Variants in GSR observed in about 807,000 individuals in gnomAD.
The protein encoded by GSR is glutathione-disulfide reductase, also known as glutathione reductase, mitochondrial.
Under a neutral mutation model 56.5 loss-of-function variants are expected in GSR, and 48 were observed. The observed-to-expected ratio is 0.85, with a 90% CI of 0.67 to 1.08. The LOEUF (loss-of-function observed/expected upper bound fraction) is 1.08, where lower values mean the gene tolerates loss of function less well. GSR is among the 50% of genes least tolerant of loss of function. The pLI is 0.00. For missense variants in GSR, 694 were observed against 703.3 expected, an observed-to-expected ratio of 0.99 and a Z score of 0.15; for synonymous variants, 264 against 270.8, an observed-to-expected ratio of 0.97 and a Z score of 0.25.
chr8:30,679,834 T>C (rs1802883469), intron 12 of GSR, among the ~76,000 whole-genome samples, 165 bp from the exon 13 acceptor site: 1 of 151,048 alleles, frequency 6.6e-6, no homozygotes, highest in Non-Finnish European at 1.5e-5. Flanking sequence ...GCCTCCCGAG[T>C]AGCTGGGATT....
chr8:30,696,347 C>G, intron 7 of GSR, 33 bp downstream of exon 7: 1 of 1,350,486 alleles, frequency 7.4e-7, no homozygotes, highest in Non-Finnish European at 1.1e-6. Flanking sequence ...AAATTAACAT[C>G]AAGAAAAGCG....
In GSR at chr8:30,679,515, G is replaced by C; in HGVS notation, c.*5C>G. The C allele has an allele frequency of 6.2e-7, 1 of 1,613,608 alleles. No individual in the cohort carries two copies. The highest frequency in any genetic ancestry group is 2.2e-5 in the East Asian group (1 of 44,860). ...CCACTGCCCGCCACACGTGTCTCCTGGTTCTCAACGAAGTGTGACCAGCTC... is the reference window on the plus strand; with the variant it reads ...CCACTGCCCGCCACACGTGTCTCCTCGTTCTCAACGAAGTGTGACCAGCTC... On this transcript the variant is annotated 3_prime_UTR_variant, in exon 13 of 13. Coordinates refer to ENST00000221130, the MANE Select transcript of GSR (RefSeq NM_000637.5).
At position 30,679,465 on chromosome 8, in the gene GSR, T is replaced by C; in HGVS notation, c.*55A>G. 2.0e-6 allele frequency: 3 copies of C among 1,533,092 alleles called. No homozygotes were observed. Among genetic ancestry groups the C allele is most frequent in the African/African-American group, 1.4e-5 (1 of 73,472 alleles). The allele number at this position is 1,533,092 out of a possible 1,614,324, so 95.0% of individuals were successfully genotyped here. ...AACAGTAAGTCAATGTGATTATTTG[T>C]TTCATTTCAGAAGATCTATGGGTCC... On this transcript the variant is annotated 3_prime_UTR_variant, in exon 13 of 13. Coordinates refer to ENST00000221130, the MANE Select transcript of GSR (RefSeq NM_000637.5).
At chr8:30,697,422 AAAAC>A (rs150485496) in intron 6 of GSR, among the ~76,000 whole-genome samples, 2,876 of 148,038 alleles carry the variant, frequency 0.019, 69 homozygotes, top group African/African-American at 0.062. Flanking sequence ...TCAAAAAAAC[AAAAC>A]AAACAAACAA....
At chr8:30,684,065 A>G (rs1285501703) in intron 10 of GSR, 23 bp downstream of exon 10, 1 of 1,196,700 alleles carries the variant, frequency 8.4e-7, no homozygotes, top group Non-Finnish European at 1.3e-6. Context: ...ACCCTCCCTC[A>G]CCAAGAAGGG....
At chr8:30,684,829 A>C (rs532471765) in intron 9 of GSR, among the ~76,000 whole-genome samples, 1 of 152,092 alleles carries the variant, frequency 6.6e-6, no homozygotes, top group African/African-American at 2.4e-5. Flanking sequence ...GGCTCACTGC[A>C]ATCTTGACCT....
intron 4 of GSR, among the ~76,000 whole-genome samples, chr8:30,704,340 G>A (rs1285534735): frequency 6.6e-6 from 1 of 152,102 alleles, no homozygotes; most frequent in Non-Finnish European, 1.5e-5. Flanking sequence ...AGACTGGTGT[G>A]TCTGGAGGAG....
chr8:30,681,626 A>C (rs8191031), intron 11 of GSR, among the ~76,000 whole-genome samples: 1,642 of 152,200 alleles, frequency 0.011, 30 homozygotes, highest in Admixed American at 0.051. Context: ...AAAAAAGCAA[A>C]AATATTAAGG....
intron 1 of GSR, among the ~76,000 whole-genome samples, 200 bp from the exon 2 acceptor site, chr8:30,712,288 T>C (rs974430110): frequency 6.6e-6 from 1 of 152,194 alleles, no homozygotes; most frequent in African/African-American, 2.4e-5. Context: ...GAGAAGTTCA[T>C]TCATCAGCAT....
At chr8:30,718,906 T>C (rs1045115661) in intron 1 of GSR, among the ~76,000 whole-genome samples, 1 of 119,682 alleles carries the variant, frequency 8.4e-6, no homozygotes, top group African/African-American at 2.7e-5. Context: ...CACTATGCCC[T>C]GCTAAGGTGT....
At position 30,727,593 on chromosome 8, in the gene GSR, G is replaced by C; in HGVS notation, c.243C>G (p.Arg81=). The change falls in exon 1 of 13, where the codon CGC becomes CGG. Residue 81 remains arginine (R), a synonymous_variant. Coordinates refer to ENST00000221130, the MANE Select transcript of GSR (RefSeq NM_000637.5). Reference sequence around the variant, plus strand: ...CCCTGGCACCCAGCTCGGCCGCCCTGCGCGCGCTGGCCAGCCCGCCCGAGC... The same window carrying C: ...CCCTGGCACCCAGCTCGGCCGCCCTCCGCGCGCTGGCCAGCCCGCCCGAGC... The part of the protein sequence containing the change: ...GGGSGGLASA[R]RAAELGARAA... The C allele has an allele frequency of 6.5e-7, 1 of 1,528,900 alleles. No individual in the cohort carries two copies. Among genetic ancestry groups the C allele is most frequent in the Non-Finnish European group, 8.7e-7 (1 of 1,142,918 alleles). 94.7% of individuals were successfully genotyped at this position (1,528,900 alleles called of 1,614,324 possible).
chr8:30,692,196 CTTTTTTTTTTTTTTT>C (rs71206279), intron 8 of GSR, among the ~76,000 whole-genome samples: 46 of 76,440 alleles, frequency 6.0e-4, no homozygotes, highest in Middle Eastern at 0.019. Context: ...TAAAATACAG[CTTTTTTTTTTTTTTT>C]TTTTTTTTTT....
intron 8 of GSR, among the ~76,000 whole-genome samples, chr8:30,691,397 T>G (rs1276437999): frequency 1.4e-5 from 2 of 146,640 alleles, no homozygotes; most frequent in Non-Finnish European, 3.0e-5. Flanking sequence ...CCAAGAAAGA[T>G]AGGCTGGGCA....
At chr8:30,723,530 C>G (rs1194027887) in intron 1 of GSR, among the ~76,000 whole-genome samples, 3 of 151,914 alleles carry the variant, frequency 2.0e-5, no homozygotes, top group Non-Finnish European at 4.4e-5. Flanking sequence ...GTGGCTCATA[C>G]TTGTAATCCC....
At position 30,678,347 on chromosome 8, in the gene GSR, A is replaced by ATG. The variant is rs1181215277; in HGVS notation, c.*1172_*1173insCA. ...ACTTCACCTCATAAAAATAATATAT[A>ATG]TATATATATATATTTTTTTTTTTTT... On this transcript the variant is annotated 3_prime_UTR_variant, in exon 13 of 13. Transcript: ENST00000221130. 3 of 70,622 alleles carry ATG rather than the reference A, an allele frequency of 4.2e-5. No individual in the cohort carries two copies. Among genetic ancestry groups the ATG allele is most frequent in the African/African-American group, 2.2e-4 (3 of 13,902 alleles). 4.4% of individuals were successfully genotyped at this position (70,622 alleles called of 1,614,324 possible).
chr8:30,717,327 G>T (rs1368727559), intron 1 of GSR, among the ~76,000 whole-genome samples: 1 of 152,202 alleles, frequency 6.6e-6, no homozygotes, highest in Non-Finnish European at 1.5e-5. Context: ...GGCTGAAGCA[G>T]TCCTCTCACG....
chr8:30,700,686 T>C (rs1276246116), intron 5 of GSR, among the ~76,000 whole-genome samples: 1 of 125,176 alleles, frequency 8.0e-6, no homozygotes, highest in East Asian at 2.8e-4. Context: ...ATCGTGCCAC[T>C]GCACTCCAGC....
In GSR at chr8:30,679,309, A is replaced by G. The variant is rs1441738272; in HGVS notation, c.*211T>C. ...AAACTTGAAAATATTAATTACTGTG[A>G]GATGTGATCAAATGAAAATCAATCC... On this transcript the variant is annotated 3_prime_UTR_variant, in exon 13 of 13. Transcript: ENST00000221130. 1.7e-6 allele frequency: 1 copy of G among 595,018 alleles called. No individual in the cohort carries two copies. The highest frequency in any genetic ancestry group is 3.0e-6 in the Non-Finnish European group (1 of 337,754). 36.9% of individuals were successfully genotyped at this position (595,018 alleles called of 1,614,324 possible).
intron 4 of GSR, among the ~76,000 whole-genome samples, chr8:30,704,274 G>A (rs753317583): frequency 3.9e-5 from 6 of 152,048 alleles, no homozygotes; most frequent in Non-Finnish European, 8.8e-5. Flanking sequence ...GCAGTGAGCC[G>A]AGATTACGCC....
Sources: gnomAD v4.1 joint callset for allele counts (sites outside exome capture counted in the v4.1 genomes callset) on GRCh38, gnomAD v4.1.1 for gene constraint, MANE v1.5 for transcripts, NCBI Gene and HGNC (gene_info 2026-07-23, HGNC 2026-07-21) for gene names.